Variants in HSF2BP observed in about 807,000 individuals in gnomAD.
HSF2BP encodes the protein heat shock transcription factor 2 binding protein.
HSF2BP carries 35 observed loss-of-function variants against 35.0 expected under a neutral mutation model. The ratio of observed to expected loss-of-function variants is 1.00; its 90% CI spans 0.76 to 1.32. The LOEUF is 1.32. Among genes scored for constraint, HSF2BP ranks in the 40% most tolerant of loss-of-function variants. The pLI is 0.00. For synonymous variants in HSF2BP, 114 were observed against 117.4 expected (o/e 0.97, Z 0.18); for missense variants, 326 against 321.7 (o/e 1.01, Z -0.10).
intron 6 of HSF2BP, among the ~76,000 whole-genome samples, chr21:43,623,567 T>C (rs749368797): frequency 1.3e-5 from 2 of 152,202 alleles, no homozygotes; most frequent in Non-Finnish European, 1.5e-5. Flanking sequence ...AGAAGAGATC[T>C]TGTAGACGAC....
chr21:43,658,100 C>A lies in HSF2BP; in HGVS notation c.-4G>T, dbSNP rs1457645000. ...CAGCGGCGCCCGCTTCGCCCATGGC[C>A]GCTGCCGCCTCCGCTCCGTTCGCCT... On this transcript the variant is annotated 5_prime_UTR_variant, in exon 2 of 9. Transcript: ENST00000291560. The A allele has an allele frequency of 2.6e-6, 4 of 1,534,144 alleles. No homozygotes were observed. The highest frequency in any genetic ancestry group is 3.5e-6 in the Non-Finnish European group (4 of 1,145,222).
At chr21:43,572,490 A>G (rs1422941053) in intron 8 of HSF2BP, among the ~76,000 whole-genome samples, 1 of 152,204 alleles carries the variant, frequency 6.6e-6, no homozygotes, top group African/African-American at 2.4e-5. Context: ...TGCAGCAGAG[A>G]GGGAGCATGT....
At chr21:43,612,687 G>A (rs1010038963) in intron 7 of HSF2BP, among the ~76,000 whole-genome samples, 5 of 150,536 alleles carry the variant, frequency 3.3e-5, no homozygotes, top group Non-Finnish European at 7.4e-5. Context: ...TCCACAGCAG[G>A]GGATGGTGGC....
chr21:43,654,944 TA>T (rs1326180205), intron 3 of HSF2BP, among the ~76,000 whole-genome samples: 1 of 152,054 alleles, frequency 6.6e-6, no homozygotes, highest in Non-Finnish European at 1.5e-5. Context: ...CCAGAGAGAC[TA>T]TGGGGAAAAA....
chr21:43,620,826 G>A lies in HSF2BP; in HGVS notation c.575-6879C>T, dbSNP rs111410455. ...AAATTAATTTGAGGCTCTCAACAGC[G>A]GAATGGATCAAGCAGAGAATCACTG... On this transcript the variant is annotated intron_variant, in intron 6 of 8. Transcript: ENST00000291560. Among the ~76,000 whole-genome samples the A allele has an allele frequency of 9.2e-3, 1,392 of 152,090 alleles. 24 individuals are homozygous for A. Among genetic ancestry groups the A allele is most frequent in the African/African-American group, 0.029 (1,218 of 41,434 alleles).
At chr21:43,646,018 A>G (rs1476975099) in intron 3 of HSF2BP, among the ~76,000 whole-genome samples, 1 of 152,102 alleles carries the variant, frequency 6.6e-6, no homozygotes, top group African/African-American at 2.4e-5. Flanking sequence ...GCTTCTCATA[A>G]AATGCGTTTC....
intron 7 of HSF2BP, among the ~76,000 whole-genome samples, chr21:43,596,345 A>C (rs561033423): frequency 4.9e-4 from 74 of 152,258 alleles, no homozygotes; most frequent in Non-Finnish European, 9.9e-4. Flanking sequence ...GAAACTGAAC[A>C]AGAATGAATA....
intron 7 of HSF2BP, among the ~76,000 whole-genome samples, chr21:43,605,258 C>T (rs2082118223): frequency 6.7e-6 from 1 of 148,386 alleles, no homozygotes; most frequent in South Asian, 2.2e-4. Flanking sequence ...CACGCACCCA[C>T]ATCACACACC....
At position 43,577,416 on chromosome 21, in the gene HSF2BP, T is replaced by G. The variant is rs1285843516; in HGVS notation, c.796+14809A>C. 5.3e-5 allele frequency among the ~76,000 whole-genome samples: 8 copies of G among 152,244 alleles called. No homozygotes were observed. In the East Asian group the frequency reaches 1.5e-3, roughly 29 times the overall value. The stretch of plus-strand genomic sequence containing the variant: ...AAAAGTACAAAACTTCAGCTCAAAG[T>G]GGCTTAAACGTAATCACATTTATTA... On this transcript the variant is annotated intron_variant, in intron 8 of 8. Coordinates refer to ENST00000291560, the MANE Select transcript of HSF2BP (RefSeq NM_007031.2).
At chr21:43,656,565 AC>A (rs746458906) in intron 3 of HSF2BP, 21 bp downstream of exon 3, 1 of 1,600,416 alleles carries the variant, frequency 6.2e-7, no homozygotes, top group Middle Eastern at 1.7e-4. Flanking sequence ...ACCACCAATG[AC>A]TGCTGAAAAT....
rs761185639 is a variant in HSF2BP at position 43,630,427 on chromosome 21, T to C, written c.469A>G (p.Thr157Ala). 4 of 1,612,508 alleles carry C rather than the reference T, an allele frequency of 2.5e-6. No individual in the cohort carries two copies. The highest frequency in any genetic ancestry group is 1.7e-6 in the Non-Finnish European group (2 of 1,179,602). The change falls in exon 6 of 9, where the codon ACT becomes GCT. Residue 157 changes from threonine (T) to alanine (A), a missense_variant. Physicochemically the swap from Thr to Ala is moderately conservative, Grantham distance 58 (BLOSUM62 0). Transcript: ENST00000291560. ...GDKALKFFSI[T>A]GQTMESFVKS... is the part of the protein sequence containing the mutation. ...ACAAAACTCTCCATTGTTTGACCAG[T>C]GATGCTGAAAAACTTCAAAGCTTTA...
intron 7 of HSF2BP, among the ~76,000 whole-genome samples, chr21:43,592,616 A>T (rs1259491307): frequency 2.0e-5 from 3 of 152,154 alleles, no homozygotes; most frequent in African/African-American, 7.2e-5. Context: ...TTATTGATTC[A>T]TTTCTTTTAT....
chr21:43,614,522 G>A (rs2082247701), intron 6 of HSF2BP, among the ~76,000 whole-genome samples: 2 of 152,154 alleles, frequency 1.3e-5, no homozygotes, highest in African/African-American at 4.8e-5. Context: ...CGGTCACTAT[G>A]CTCCAGAGTG....
intron 3 of HSF2BP, among the ~76,000 whole-genome samples, chr21:43,647,747 G>A (rs1053484133): frequency 4.0e-5 from 6 of 151,674 alleles, no homozygotes; most frequent in Admixed American, 2.6e-4. Flanking sequence ...TAGACAACAT[G>A]GCAAAACCCC....
chr21:43,654,911 C>G (rs2082845028), intron 3 of HSF2BP, among the ~76,000 whole-genome samples: 1 of 152,150 alleles, frequency 6.6e-6, no homozygotes, highest in African/African-American at 2.4e-5. Flanking sequence ...TAAATTTCAG[C>G]AAAGGGGAAT....
At chr21:43,637,014 C>A (rs1207520442) in intron 4 of HSF2BP, among the ~76,000 whole-genome samples, 1 of 151,440 alleles carries the variant, frequency 6.6e-6, no homozygotes, top group Non-Finnish European at 1.5e-5. Context: ...ACAGGACGAG[C>A]GAAGTGGCTC....
chr21:43,604,758 C>T (rs916107717), intron 7 of HSF2BP, among the ~76,000 whole-genome samples: 46 of 142,356 alleles, frequency 3.2e-4, no homozygotes, highest in Admixed American at 2.4e-3. Flanking sequence ...ACACACCATA[C>T]GCACACCACT....
chr21:43,601,935 T>A (rs755191797), intron 7 of HSF2BP, among the ~76,000 whole-genome samples: 6 of 152,238 alleles, frequency 3.9e-5, no homozygotes, highest in Non-Finnish European at 8.8e-5. Flanking sequence ...GACTGGAAAC[T>A]GGTTAGAAAC....
chr21:43,592,533 G>T (rs547828741), intron 7 of HSF2BP, among the ~76,000 whole-genome samples: 2 of 152,056 alleles, frequency 1.3e-5, no homozygotes, highest in Non-Finnish European at 2.9e-5. Context: ...ACATAATACC[G>T]CCTTTCATAG....
Sources: gnomAD v4.1 joint callset for allele counts (sites outside exome capture counted in the v4.1 genomes callset) on GRCh38, gnomAD v4.1.1 for gene constraint, MANE v1.5 for transcripts, NCBI Gene and HGNC (gene_info 2026-07-23, HGNC 2026-07-21) for gene names.